Variants in TAFA1 observed in about 807,000 individuals in gnomAD.
TAFA1 encodes chemokine-like protein TAFA-1.
In TAFA1, 4 loss-of-function variants were observed where a neutral mutation model predicts 18.5. The observed-to-expected ratio is 0.22, with a 90% CI of 0.11 to 0.49. The LOEUF (loss-of-function observed/expected upper bound fraction) is 0.49, where lower values mean the gene tolerates loss of function less well. Among genes scored for constraint, TAFA1 ranks in the 20% least tolerant of loss-of-function variants. The pLI is 0.98. For missense variants in TAFA1, 147 were observed against 169.0 expected, an observed-to-expected ratio of 0.87 and a Z score of 0.72; for synonymous variants, 56 against 55.2, an observed-to-expected ratio of 1.01 and a Z score of -0.06.
At chr3:68,093,341 C>T (rs2065050005) in intron 2 of TAFA1, among the ~76,000 whole-genome samples, 1 of 152,144 alleles carries the variant, frequency 6.6e-6, no homozygotes, top group African/African-American at 2.4e-5. Context: ...GGTCTAATTT[C>T]ACTACCTTTG....
At chr3:68,512,655 A>T (rs2072865618) in intron 3 of TAFA1, among the ~76,000 whole-genome samples, 1 of 150,354 alleles carries the variant, frequency 6.7e-6, no homozygotes, top group Admixed American at 6.7e-5. Flanking sequence ...AGGGTAAAAG[A>T]GTTCTGGGTG....
chr3:68,001,355 G>T (rs946388215), upstream of TAFA1, among the ~76,000 whole-genome samples: 1 of 152,006 alleles, frequency 6.6e-6, no homozygotes, highest in African/African-American at 2.4e-5. Context: ...CTACATGAAG[G>T]TTATCTTTTT....
rs149259687 is a variant in TAFA1 at position 68,035,959 on chromosome 3, G to A, written c.118+29215G>A. On this transcript the variant is annotated intron_variant, in intron 2 of 4. Transcript: ENST00000478136. ...TCCACTTATGTGCATTCTGGAAAAG[G>A]CAAAAAAGGGATAGAAAACTGATTA... 3.9e-5 allele frequency among the ~76,000 whole-genome samples: 6 copies of A among 152,170 alleles called. No individual in the cohort carries two copies. In the East Asian group the frequency reaches 1.2e-3, roughly 29 times the overall value.
chr3:68,273,861 C>T (rs7615142), intron 2 of TAFA1, among the ~76,000 whole-genome samples: 4,818 of 152,224 alleles, frequency 0.032, 249 homozygotes, highest in African/African-American at 0.11. Flanking sequence ...CTCAGTTTCA[C>T]TGTCCGTAAC....
chr3:68,081,383 G>T (rs1310159139), intron 2 of TAFA1, among the ~76,000 whole-genome samples: 1 of 152,054 alleles, frequency 6.6e-6, no homozygotes, highest in Non-Finnish European at 1.5e-5. Context: ...GAGGAGGAGA[G>T]GCGCTCTGCT....
Position 68,158,333 on chromosome 3 carries a change from G to A in TAFA1, c.118+151589G>A, listed in dbSNP as rs541602160. ...TACTTTCTTATCCATAACTCTGCAA[G>A]CAATGAATGTGTGCAGCATACGGTA... is the stretch of plus-strand genomic sequence containing the variant. On this transcript the variant is annotated intron_variant, in intron 2 of 4. Coordinates refer to ENST00000478136, the MANE Select transcript of TAFA1 (RefSeq NM_213609.4). Among the ~76,000 whole-genome samples, 19 of 152,206 alleles carry A rather than the reference G, an allele frequency of 1.2e-4. No homozygotes were observed. In the South Asian group the frequency reaches 2.3e-3, roughly 18 times the overall value.
intron 2 of TAFA1, among the ~76,000 whole-genome samples, chr3:68,411,939 C>A (rs538269893): frequency 6.6e-6 from 1 of 152,264 alleles, no homozygotes; most frequent in Admixed American, 6.5e-5. Flanking sequence ...GAGCTTCCAA[C>A]TGTTGGGGTC....
intron 2 of TAFA1, among the ~76,000 whole-genome samples, chr3:68,095,799 T>C (rs781508349): frequency 6.6e-6 from 1 of 152,170 alleles, no homozygotes; most frequent in Non-Finnish European, 1.5e-5. Flanking sequence ...TAAGGAAGTA[T>C]GTTTAACTTT....
intron 3 of TAFA1, among the ~76,000 whole-genome samples, chr3:68,479,427 C>T (rs2072183422): frequency 6.6e-6 from 1 of 151,798 alleles, no homozygotes; most frequent in Non-Finnish European, 1.5e-5. Context: ...CTTTCAATGT[C>T]CTAAATGCAA....
chr3:68,058,054 C>G (rs948083548), intron 2 of TAFA1, among the ~76,000 whole-genome samples: 2 of 152,272 alleles, frequency 1.3e-5, no homozygotes, highest in Non-Finnish European at 1.5e-5. Context: ...CAATAAGAAA[C>G]TAATCACAGG....
intron 2 of TAFA1, among the ~76,000 whole-genome samples, chr3:68,102,488 T>A (rs1329068616): frequency 6.6e-6 from 1 of 152,198 alleles, no homozygotes; most frequent in African/African-American, 2.4e-5. Context: ...TTAATGTGAA[T>A]TAACCGTTAA....
chr3:68,240,098 C>T (rs1247219342), intron 2 of TAFA1, among the ~76,000 whole-genome samples: 2 of 152,128 alleles, frequency 1.3e-5, no homozygotes, highest in Non-Finnish European at 2.9e-5. Flanking sequence ...CTTTTGACTG[C>T]CAATCCAGTG....
At chr3:68,275,516 T>TTTG (rs1553665618) in intron 2 of TAFA1, among the ~76,000 whole-genome samples, 1 of 150,874 alleles carries the variant, frequency 6.6e-6, no homozygotes, top group Non-Finnish European at 1.5e-5. Flanking sequence ...TTTTTTTTTT[T>TTTG]GCATAAGTCA....
chr3:68,011,106 C>T (rs1052781741), intron 2 of TAFA1, among the ~76,000 whole-genome samples: 7 of 102,282 alleles, frequency 6.8e-5, no homozygotes, highest in Non-Finnish European at 1.0e-4. Context: ...TTGATAGTTA[C>T]TTAATTTTGA....
chr3:68,471,142 G>A (rs941503659), intron 3 of TAFA1, among the ~76,000 whole-genome samples: 2 of 152,236 alleles, frequency 1.3e-5, no homozygotes, highest in Non-Finnish European at 2.9e-5. Flanking sequence ...CAGGTGCACA[G>A]AAGTCAAGAA....
chr3:68,444,422 A>T (rs894382532), intron 3 of TAFA1, among the ~76,000 whole-genome samples: 1 of 152,096 alleles, frequency 6.6e-6, no homozygotes, highest in Non-Finnish European at 1.5e-5. Context: ...CACATTGTCC[A>T]GGTGAAGTCA....
intron 3 of TAFA1, among the ~76,000 whole-genome samples, chr3:68,519,609 C>A (rs1454290257): frequency 6.6e-6 from 1 of 152,170 alleles, no homozygotes; most frequent in Non-Finnish European, 1.5e-5. Context: ...ACAACAGAAA[C>A]ATATTTCTGA....
chr3:68,232,309 A>C (rs981032909), intron 2 of TAFA1, among the ~76,000 whole-genome samples: 1 of 152,138 alleles, frequency 6.6e-6, no homozygotes, highest in Non-Finnish European at 1.5e-5. Flanking sequence ...GAGTGAGAAC[A>C]TGTGGTATTT....
chr3:68,421,012 A>G (rs986461831), intron 3 of TAFA1, among the ~76,000 whole-genome samples: 1 of 152,166 alleles, frequency 6.6e-6, no homozygotes. Context: ...CGTTAACTAT[A>G]AATCTTCATT....
Sources: gnomAD v4.1 joint callset for allele counts (sites outside exome capture counted in the v4.1 genomes callset) on GRCh38, gnomAD v4.1.1 for gene constraint, MANE v1.5 for transcripts, NCBI Gene and HGNC (gene_info 2026-07-23, HGNC 2026-07-21) for gene names.